Variants in MYO18A observed in about 807,000 individuals in gnomAD.
MYO18A encodes myosin XVIIIA.
MYO18A carries 78 observed loss-of-function variants against 235.8 expected under a neutral mutation model. The ratio of observed to expected loss-of-function variants is 0.33; its 90% CI spans 0.28 to 0.40. The LOEUF (loss-of-function observed/expected upper bound fraction) is 0.40, where lower values mean the gene tolerates loss of function less well. MYO18A is among the 10% of genes least tolerant of loss of function. The pLI is 1.00. For synonymous variants in MYO18A, 977 were observed against 1,077.8 expected, an observed-to-expected ratio of 0.91 and a Z score of 1.83; for missense variants, 2,215 against 2,699.3, an observed-to-expected ratio of 0.82 and a Z score of 3.98.
chr17:29,082,532 G>A (rs1384165520), intron 40 of MYO18A, 94 bp from the exon 41 acceptor site: 2 of 1,346,340 alleles, frequency 1.5e-6, no homozygotes, highest in Non-Finnish European at 2.1e-6. Context: ...CTTGGGCAGG[G>A]GGGATGTGGG....
At chr17:29,078,536 A>G (rs2066039852) in intron 41 of MYO18A, 1 of 152,314 alleles carries the variant, frequency 6.6e-6, no homozygotes, top group Admixed American at 6.5e-5. Context: ...CAGCACAAGC[A>G]TGCGACAGGT....
rs1008779476 is a variant in MYO18A, at chr17:29,106,882, C to T, written c.3441+198G>A. Among the ~76,000 whole-genome samples, 1 of 152,206 alleles carries T rather than the reference C, an allele frequency of 6.6e-6. No individual in the cohort carries two copies. Among genetic ancestry groups the T allele is most frequent in the Admixed American group, 6.5e-5 (1 of 15,282 alleles). On this transcript the variant is annotated intron_variant, in intron 20 of 41. Transcript: ENST00000527372. This position sits in a 1 kb window ranked among gnomAD's most constrained non-coding sequence, Gnocchi z 4.6. ...CACCAGCAAGCAGACACCCCCAGCT[C>T]AGGCCTCCAAGGAGGGGGTGGCTCT...
chr17:29,098,539 G>A (rs943877598), intron 23 of MYO18A, 94 bp from the exon 24 acceptor site: 1 of 1,432,156 alleles, frequency 7.0e-7, no homozygotes, highest in African/African-American at 1.4e-5. Flanking sequence ...AGCTGATGAA[G>A]CTTGGGCCAG....
At chr17:29,115,594 C>A in intron 12 of MYO18A, 70 bp downstream of exon 12, 2 of 1,506,520 alleles carry the variant, frequency 1.3e-6, no homozygotes, top group Admixed American at 2.2e-5. Flanking sequence ...TCCCCTCCCG[C>A]CCCAGGGATG....
intron 15 of MYO18A, among the ~76,000 whole-genome samples, chr17:29,113,472 G>A (rs2066983255): frequency 6.6e-6 from 1 of 152,210 alleles, no homozygotes; most frequent in African/African-American, 2.4e-5. Flanking sequence ...CCAAAGTTGA[G>A]GGGTGAGGGT....
At chr17:29,116,567 GA>G (rs1377914853) in intron 10 of MYO18A, 112 bp from the exon 11 acceptor site, 1 of 1,226,450 alleles carries the variant, frequency 8.2e-7, no homozygotes, top group Non-Finnish European at 1.2e-6. Flanking sequence ...GTGTTGTGAG[GA>G]TGAGTAGGCA....
rs191043148 is a variant in MYO18A at position 29,173,007 on chromosome 17, A to G, written c.-81-5986T>C. Among the ~76,000 whole-genome samples, 3 of 152,338 alleles carry G rather than the reference A, an allele frequency of 2.0e-5. No individual in the cohort carries two copies. In the East Asian group the frequency reaches 5.8e-4, roughly 29 times the overall value. On this transcript the variant is annotated intron_variant, in intron 1 of 41. Transcript: ENST00000527372. ...CTATCAAGGTTGATAATATCAATCA[A>G]TTAGGGCATGGGATGCAGGGAGTCT...
At chr17:29,122,057 C>CCT (rs2067214582) in intron 3 of MYO18A, 100 bp from the exon 4 acceptor site, 2 of 1,512,558 alleles carry the variant, frequency 1.3e-6, no homozygotes, top group South Asian at 2.3e-5. Flanking sequence ...GCATCACCAG[C>CCT]CTCTCCTTGC....
chr17:29,084,704 TCTCA>T (rs1351018179), intron 40 of MYO18A, among the ~76,000 whole-genome samples: 2 of 151,658 alleles, frequency 1.3e-5, no homozygotes, highest in East Asian at 3.9e-4. Context: ...TATCATTAGC[TCTCA>T]CTGAGTCCTG....
Position 29,111,091 on chromosome 17 carries a change from G to A in MYO18A, c.2900+333C>T, listed in dbSNP as rs182657960. 3.0e-4 allele frequency among the ~76,000 whole-genome samples: 46 copies of A among 152,288 alleles called. 1 individual carries two copies. The highest frequency in any genetic ancestry group is 1.9e-3 in the East Asian group (10 of 5,186). ...TGCCAAGCACCTAGAAGCCCCTGTC[G>A]CAGGGTAGGTGCCCACTAACCATCT... On this transcript the variant is annotated intron_variant, in intron 17 of 41. Transcript: ENST00000527372. This position sits in a 1 kb window ranked among gnomAD's most constrained non-coding sequence, Gnocchi z 5.1.
At chr17:29,149,334 T>C (rs1176524031) in intron 2 of MYO18A, among the ~76,000 whole-genome samples, 2 of 152,226 alleles carry the variant, frequency 1.3e-5, no homozygotes, top group African/African-American at 4.8e-5. Context: ...AATACATGAA[T>C]GCAAGGTCAA....
intron 26 of MYO18A, 137 bp downstream of exon 26, chr17:29,097,651 T>C (rs769864977): frequency 3.9e-6 from 3 of 768,740 alleles, no homozygotes; most frequent in Non-Finnish European, 6.3e-6. Flanking sequence ...TATTGGCACC[T>C]CTGCCTTCTC....
chr17:29,120,702 T>C lies in MYO18A; in HGVS notation c.1642A>G (p.Ile548Val). 1.2e-6 allele frequency: 2 copies of C among 1,613,894 alleles called. No homozygotes were observed. Among genetic ancestry groups the C allele is most frequent in the South Asian group, 1.1e-5 (1 of 91,080 alleles). Residue 548 changes from isoleucine to valine, a missense_variant, in exon 7 of 42, where the codon ATC (isoleucine) becomes GTC (valine). Transcript: ENST00000527372. This position sits in a 1 kb window ranked among gnomAD's most constrained non-coding sequence, Gnocchi z 4.2. Reference sequence around the variant, plus strand: ...AAGCGGGTGGCATTGCCATTAATGATGGTGGGGCTGTTCCCAAAGGCTTCC... The same window carrying C: ...AAGCGGGTGGCATTGCCATTAATGACGGTGGGGCTGTTCCCAAAGGCTTCC... ...LLEAFGNSPT[I>V]INGNATRFSQ...
At chr17:29,088,120 CT>C (rs1289413474) in intron 37 of MYO18A, among the ~76,000 whole-genome samples, 3 of 142,972 alleles carry the variant, frequency 2.1e-5, no homozygotes, top group Admixed American at 1.5e-4. Context: ...GTGGCGCGAT[CT>C]CCGCTCACTG....
intron 37 of MYO18A, among the ~76,000 whole-genome samples, chr17:29,088,727 G>A (rs539302906): frequency 6.6e-6 from 1 of 152,218 alleles, no homozygotes; most frequent in Non-Finnish European, 1.5e-5. Flanking sequence ...GGCCAATACT[G>A]GCTTTGGGAG....
rs2067102621 is a variant in MYO18A at position 29,117,578 on chromosome 17, A to G, written c.2038+467T>C. Reference sequence around the variant, plus strand: ...TCTCAACCTCCAGGCTTCTCCCCAGACCAGTCCTCTCTGCAGCAACAGAAC... The same window carrying G: ...TCTCAACCTCCAGGCTTCTCCCCAGGCCAGTCCTCTCTGCAGCAACAGAAC... On this transcript the variant is annotated intron_variant, in intron 10 of 41. Transcript: ENST00000527372. The surrounding 1 kb of genome is among the most constrained non-coding windows in gnomAD (Gnocchi z 4.6). 6.6e-6 allele frequency among the ~76,000 whole-genome samples: 1 copy of G among 152,006 alleles called. No homozygotes were observed. The highest frequency in any genetic ancestry group is 2.1e-4 in the South Asian group (1 of 4,814).
At chr17:29,150,289 C>G (rs113506083) in intron 2 of MYO18A, among the ~76,000 whole-genome samples, 2,590 of 152,366 alleles carry the variant, frequency 0.017, 43 homozygotes, top group South Asian at 0.043. Flanking sequence ...CTCTACCTTG[C>G]CTACCAACCC....
chr17:29,090,244 C>G, intron 36 of MYO18A, 146 bp from the exon 37 acceptor site: 1 of 917,554 alleles, frequency 1.1e-6, no homozygotes, highest in Non-Finnish European at 1.6e-6. Flanking sequence ...AGCCCTGGGC[C>G]AGAGGCCTCC....
At chr17:29,169,726 G>A (rs2068360253) in intron 1 of MYO18A, among the ~76,000 whole-genome samples, 1 of 152,112 alleles carries the variant, frequency 6.6e-6, no homozygotes, top group Non-Finnish European at 1.5e-5. Flanking sequence ...ACTTGGATGG[G>A]ACAAACAAGA....
Sources: gnomAD v4.1 joint callset for allele counts (sites outside exome capture counted in the v4.1 genomes callset) on GRCh38, gnomAD v4.1.1 for gene constraint, Gnocchi (gnomAD v3.1) non-coding constraint, MANE v1.5 for transcripts, NCBI Gene and HGNC (gene_info 2026-07-23, HGNC 2026-07-21) for gene names.